The following ASIC2 variants were observed in gnomAD, a reference collection of about 807,000 sequenced individuals.
ASIC2 encodes the protein acid sensing ion channel subunit 2.
ASIC2 carries 25 observed loss-of-function variants against 57.3 expected under a neutral mutation model. The observed-to-expected ratio is 0.44, with a 90% confidence interval of 0.32 to 0.61. The LOEUF (loss-of-function observed/expected upper bound fraction) is 0.61, where lower values mean the gene tolerates loss of function less well. ASIC2 is among the 20% of genes least tolerant of loss of function. ASIC2 has a pLI of 0.06. For synonymous variants in ASIC2, 319 were observed against 307.5 expected (o/e 1.04, Z -0.39); for missense variants, 641 against 738.1 (o/e 0.87, Z 1.52).
At chr17:33,962,671 C>T (rs187404365) in intron 1 of ASIC2, among the ~76,000 whole-genome samples, 1 of 152,282 alleles carries the variant, frequency 6.6e-6, no homozygotes, top group Admixed American at 6.5e-5. Context: ...CAACAGGATG[C>T]TCTTTAAGTA....
intron 1 of ASIC2, among the ~76,000 whole-genome samples, chr17:33,665,387 A>C (rs1435900578): frequency 1.3e-5 from 2 of 152,194 alleles, no homozygotes; most frequent in Admixed American, 1.3e-4. Context: ...AAAGACCATA[A>C]CATTTTACTT....
rs116671771 is a variant in ASIC2, at chr17:33,579,728, G to A, written c.556-467661C>T. Among the ~76,000 whole-genome samples, 337 of 152,284 alleles carry A rather than the reference G, an allele frequency of 2.2e-3. 4 individuals are homozygous for A. Among genetic ancestry groups the A allele is most frequent in the African/African-American group, 7.4e-3 (308 of 41,552 alleles). ...GCCAGCGTTACAACTGTTAAAAGTA[G>A]TGCGGACCCAAACACTAAACAGCAG... On this transcript the variant is annotated intron_variant, in intron 1 of 9. Transcript: ENST00000359872.
At position 33,088,909 on chromosome 17, in the gene ASIC2, C is replaced by T; in HGVS notation, c.941G>A (p.Gly314Glu). 1 of 1,614,044 alleles carries T rather than the reference C, an allele frequency of 6.2e-7. No individual in the cohort carries two copies. The highest frequency in any genetic ancestry group is 8.5e-7 in the Non-Finnish European group (1 of 1,179,970). ...AAAGGTCTGGAACCCTGGAGCCACC[C>T]CAAAGCCCAGCTCTTGGATGAAAGG... ...EPPFIQELGFGVAPGFQTFVA... is the reference protein window; with the variant it reads ...EPPFIQELGFEVAPGFQTFVA... Residue 314 changes from glycine to glutamate, a missense_variant, in exon 3 of 10, where the codon GGG becomes GAG. Coordinates refer to ENST00000225823, the MANE Select transcript of ASIC2 (RefSeq NM_183377.2).
At chr17:33,777,282 G>T (rs1364622238) in intron 1 of ASIC2, among the ~76,000 whole-genome samples, 4 of 152,036 alleles carry the variant, frequency 2.6e-5, no homozygotes, top group Admixed American at 1.3e-4. Context: ...TGAATGAATG[G>T]GGAAAAAGAG....
At chr17:33,885,159 G>C (rs189756022) in intron 1 of ASIC2, among the ~76,000 whole-genome samples, 1 of 152,160 alleles carries the variant, frequency 6.6e-6, no homozygotes, top group African/African-American at 2.4e-5. Context: ...GCACAGGCTG[G>C]TGTCAAACTG....
chr17:33,292,012 G>A lies in ASIC2; in HGVS notation c.104C>T (p.Ala35Val), dbSNP rs1299021653. 9.9e-6 allele frequency: 12 copies of A among 1,217,922 alleles called. No homozygotes were observed. The highest frequency in any genetic ancestry group is 1.2e-5 in the Non-Finnish European group (12 of 984,114). 75.4% of individuals were successfully genotyped at this position (1,217,922 alleles called of 1,614,324 possible). A position where few individuals can be genotyped will look rare whatever the true frequency, so the allele number is the denominator to read the frequency against. ...GCCTCTGCCGCCCCCGGGCTGCCCG[G>A]CAGCCGCCAACGCCGCGGGCGCCGG... ...EEPAPAALAA[A>V]GQPGGGRGGE... The change falls in exon 1 of 10, where the codon GCC (alanine) becomes GTC (valine). Residue 35 changes from alanine (A) to valine (V), a missense_variant. Ala to Val is a moderately conservative substitution (Grantham distance 64). Transcript: ENST00000225823.
At chr17:33,943,238 A>G (rs1256893829) in intron 1 of ASIC2, among the ~76,000 whole-genome samples, 1 of 152,252 alleles carries the variant, frequency 6.6e-6, no homozygotes, top group Non-Finnish European at 1.5e-5. Flanking sequence ...CAAGGGGGAA[A>G]GAGGAGAAGC....
intron 1 of ASIC2, among the ~76,000 whole-genome samples, chr17:33,278,199 AT>A (rs58668822): frequency 0.05 from 6,876 of 137,232 alleles, 154 homozygotes; most frequent in African/African-American, 0.074. Flanking sequence ...GCCCTTATTC[AT>A]TTTTTTTTTT....
chr17:33,971,165 G>T (rs183689811), intron 1 of ASIC2, among the ~76,000 whole-genome samples: 2 of 152,188 alleles, frequency 1.3e-5, no homozygotes, highest in Non-Finnish European at 1.5e-5. Context: ...TACAGAAGCC[G>T]GCTGAGCACA....
chr17:33,775,893 G>A (rs771587800), intron 1 of ASIC2, among the ~76,000 whole-genome samples: 2 of 152,148 alleles, frequency 1.3e-5, no homozygotes, highest in Non-Finnish European at 2.9e-5. Flanking sequence ...AGCACTTTGG[G>A]AGGCCGAGGA....
chr17:34,081,380 A>G (rs1909876657), intron 1 of ASIC2, among the ~76,000 whole-genome samples: 1 of 152,190 alleles, frequency 6.6e-6, no homozygotes, highest in Admixed American at 6.5e-5. Context: ...AGGCAGAAAC[A>G]AGACATTATT....
At chr17:33,251,235 C>A (rs931997240) in intron 1 of ASIC2, among the ~76,000 whole-genome samples, 4 of 152,144 alleles carry the variant, frequency 2.6e-5, no homozygotes, top group Non-Finnish European at 5.9e-5. Context: ...TTCTAGGTTA[C>A]CACAAAATTA....
chr17:33,636,768 T>A (rs16968684), intron 1 of ASIC2, among the ~76,000 whole-genome samples: 2 of 151,752 alleles, frequency 1.3e-5, no homozygotes, highest in African/African-American at 4.8e-5. Context: ...GCTCAGACAC[T>A]TGCATGGCAA....
intron 1 of ASIC2, among the ~76,000 whole-genome samples, chr17:33,668,508 C>T (rs868642277): frequency 2.0e-5 from 3 of 151,910 alleles, no homozygotes; most frequent in African/African-American, 4.8e-5. Flanking sequence ...TCTGGTTTTC[C>T]GCAGCCAAGA....
chr17:34,052,192 A>G (rs1281437716), intron 1 of ASIC2, among the ~76,000 whole-genome samples: 4 of 152,182 alleles, frequency 2.6e-5, no homozygotes, highest in Admixed American at 1.3e-4. Context: ...AAAATGTTGG[A>G]GCAGCATTTT....
chr17:33,386,960 CTG>C (rs972444705), intron 1 of ASIC2, among the ~76,000 whole-genome samples: 6 of 150,300 alleles, frequency 4.0e-5, no homozygotes, highest in South Asian at 2.1e-4. Flanking sequence ...GTGTGTGTGT[CTG>C]TGTGTGTGTG....
At chr17:34,152,038 GAT>G (rs1904548929) in intron 1 of ASIC2, among the ~76,000 whole-genome samples, 1 of 151,908 alleles carries the variant, frequency 6.6e-6, no homozygotes, top group Middle Eastern at 3.2e-3. Flanking sequence ...TTTTAAAAAA[GAT>G]AGACTAGATT....
At chr17:33,392,176 TTCCTTCCTTCCTTCCTTCCCTC>T (rs1909917797) in intron 1 of ASIC2, among the ~76,000 whole-genome samples, 7 of 59,364 alleles carry the variant, frequency 1.2e-4, no homozygotes, top group Non-Finnish European at 2.0e-4. Context: ...CCTTTCTTCC[TTCCTTCCTTCCTTCCTTCCCTC>T]CTTCCTTCCT....
intron 1 of ASIC2, among the ~76,000 whole-genome samples, chr17:33,759,039 C>T (rs759773178): frequency 6.6e-5 from 10 of 151,964 alleles, no homozygotes; most frequent in South Asian, 2.1e-4. Context: ...AAGCCTAGAT[C>T]CTAGTGAGGG....
Sources: allele counts gnomAD v4.1 joint callset (sites outside exome capture counted in the v4.1 genomes callset), GRCh38; gene constraint gnomAD v4.1.1; transcripts MANE v1.5; gene names NCBI Gene and HGNC (gene_info 2026-07-23, HGNC 2026-07-21).